SCFD1: variants seen among roughly 807,000 people sequenced by gnomAD.
The protein encoded by SCFD1 is sec1 family domain containing 1.
In SCFD1, 37 loss-of-function variants were observed where a neutral mutation model predicts 103.2. The observed-to-expected ratio is 0.36, with a 90% confidence interval of 0.28 to 0.47. The LOEUF (loss-of-function observed/expected upper bound fraction) is 0.47. Ranked by LOEUF, SCFD1 falls within the 20% of genes least tolerant of loss-of-function variation. SCFD1 has a pLI of 1.00. For missense variants in SCFD1, 639 were observed against 761.2 expected (o/e 0.84, Z 1.89); for synonymous variants, 264 against 245.0 (o/e 1.08, Z -0.73).
chr14:30,636,867 A>G (rs1407851787), intron 4 of SCFD1, among the ~76,000 whole-genome samples: 1 of 152,044 alleles, frequency 6.6e-6, no homozygotes, highest in Non-Finnish European at 1.5e-5. Context: ...TTATGTATTT[A>G]TCTTGTATCC....
At chr14:30,658,517 T>G (rs1049605609) in intron 10 of SCFD1, among the ~76,000 whole-genome samples, 3 of 151,950 alleles carry the variant, frequency 2.0e-5, no homozygotes, top group Non-Finnish European at 4.4e-5. Flanking sequence ...CTCAGCCTCC[T>G]GAGTAGCTGG....
intron 23 of SCFD1, among the ~76,000 whole-genome samples, chr14:30,725,311 C>T (rs1249778383): frequency 6.6e-6 from 1 of 152,142 alleles, no homozygotes; most frequent in East Asian, 1.9e-4. Context: ...TCTTCCTATC[C>T]ATGAGCATGG....
chr14:30,633,804 A>G (rs897602191), intron 3 of SCFD1, 143 bp from the exon 4 acceptor site: 3 of 479,298 alleles, frequency 6.3e-6, no homozygotes, highest in Non-Finnish European at 1.1e-5. Flanking sequence ...CATGGGAGAA[A>G]GATAGGTTAA....
At chr14:30,628,882 G>C (rs1346545725) in intron 2 of SCFD1, among the ~76,000 whole-genome samples, 1 of 152,050 alleles carries the variant, frequency 6.6e-6, no homozygotes, top group Non-Finnish European at 1.5e-5. Flanking sequence ...TTTCTCTCTT[G>C]CTAAAAATTA....
intron 10 of SCFD1, among the ~76,000 whole-genome samples, chr14:30,669,362 G>A (rs951631589): frequency 1.3e-5 from 2 of 151,930 alleles, no homozygotes; most frequent in Non-Finnish European, 2.9e-5. Context: ...TCATTTACTT[G>A]TTGATAGTCA....
At chr14:30,662,860 T>G (rs1478808854) in intron 10 of SCFD1, among the ~76,000 whole-genome samples, 1 of 152,224 alleles carries the variant, frequency 6.6e-6, no homozygotes, top group Non-Finnish European at 1.5e-5. Flanking sequence ...TAGCATTTCC[T>G]GATGGGATCT....
At chr14:30,625,225 A>C (rs189959530) in intron 1 of SCFD1, among the ~76,000 whole-genome samples, 17 of 119,244 alleles carry the variant, frequency 1.4e-4, no homozygotes, top group Admixed American at 3.4e-4. Flanking sequence ...TGTTGAATGA[A>C]TGAATAGTGT....
intron 12 of SCFD1, 69 bp from the exon 13 acceptor site, chr14:30,673,855 G>A (rs1002400115): frequency 1.8e-5 from 19 of 1,034,532 alleles, no homozygotes; most frequent in African/African-American, 7.9e-5. Context: ...TCCAATCTTA[G>A]GATGTGTTGA....
chr14:30,722,972 T>G (rs1301684066), intron 23 of SCFD1: 1 of 152,680 alleles, frequency 6.5e-6, no homozygotes, highest in Non-Finnish European at 1.5e-5. Flanking sequence ...TTTGTTTTGT[T>G]TTTTCAGCAA....
At chr14:30,678,129 C>T (rs113281906) in intron 14 of SCFD1, among the ~76,000 whole-genome samples, 2,557 of 152,142 alleles carry the variant, frequency 0.017, 93 homozygotes, top group African/African-American at 0.058. Flanking sequence ...TGAGCCACCG[C>T]GCCTGGCCGT....
rs1882902859 is a variant in SCFD1 at position 30,622,322 on chromosome 14, G to A, written c.-17G>A. ...CCGCTCCGCTCCCCAGCCGGGCAGT[G>A]GCTCGTGGGAGCCAAGATGGCGGCG... On this transcript the variant is annotated 5_prime_UTR_variant, in exon 1 of 25. Coordinates refer to ENST00000458591, the MANE Select transcript of SCFD1 (RefSeq NM_016106.4). The A allele has an allele frequency of 6.3e-7, 1 of 1,587,954 alleles. No homozygotes were observed. Among genetic ancestry groups the A allele is most frequent in the East Asian group, 2.3e-5 (1 of 43,584 alleles).
chr14:30,653,982 T>TA (rs140287889), intron 10 of SCFD1: 94 of 151,510 alleles, frequency 6.2e-4, no homozygotes, highest in East Asian at 1.7e-3. Context: ...CATTTTACGT[T>TA]AAAAAAAAAA....
chr14:30,652,182 C>G (rs369108465), intron 9 of SCFD1, among the ~76,000 whole-genome samples: 2 of 152,070 alleles, frequency 1.3e-5, no homozygotes, highest in African/African-American at 4.8e-5. Flanking sequence ...AATTCTATTG[C>G]GAAAGGAAAT....
At chr14:30,665,798 G>A (rs981007539) in intron 10 of SCFD1, among the ~76,000 whole-genome samples, 1 of 152,058 alleles carries the variant, frequency 6.6e-6, no homozygotes, top group African/African-American at 2.4e-5. Flanking sequence ...GACAAAGAAG[G>A]CCATTACATA....
intron 19 of SCFD1, among the ~76,000 whole-genome samples, 162 bp downstream of exon 19, chr14:30,708,227 T>C (rs1891611089): frequency 6.6e-6 from 1 of 152,048 alleles, no homozygotes; most frequent in Admixed American, 6.6e-5. Context: ...ATGTGCAGGG[T>C]GTGCTGGTTT....
rs1883727492 is a variant in SCFD1, at chr14:30,628,225, G to A, written c.78G>A (p.Met26Ile). 2 of 1,611,322 alleles carry A rather than the reference G, an allele frequency of 1.2e-6. No individual in the cohort carries two copies. The highest frequency in any genetic ancestry group is 1.7e-6 in the Non-Finnish European group (2 of 1,178,014). The change falls in exon 2 of 25, where the codon ATG becomes ATA. Residue 26 changes from methionine (M) to isoleucine (I), a missense_variant. Transcript: ENST00000458591. ...TATTTTCAGTGGCTTTGAAGCGTAT[G>A]TTGAATTTCAATGTGCCTCATATTA... is the stretch of plus-strand genomic sequence containing the variant. ...RERQTVALKR[M>I]LNFNVPHIKN...
chr14:30,692,973 C>T (rs1178403165), intron 14 of SCFD1, among the ~76,000 whole-genome samples: 2 of 152,182 alleles, frequency 1.3e-5, no homozygotes, highest in Admixed American at 1.3e-4. Context: ...CCTAGAATCT[C>T]ATATTTCTTT....
At chr14:30,646,654 C>CCCT (rs1478601049) in intron 7 of SCFD1, among the ~76,000 whole-genome samples, 1 of 152,084 alleles carries the variant, frequency 6.6e-6, no homozygotes, top group Non-Finnish European at 1.5e-5. Flanking sequence ...AGGGAAGAGT[C>CCCT]CCTCCTCCTC....
intron 11 of SCFD1, among the ~76,000 whole-genome samples, chr14:30,671,315 A>G (rs1027052253): frequency 1.3e-5 from 2 of 152,110 alleles, no homozygotes; most frequent in African/African-American, 4.8e-5. Flanking sequence ...TGGCAGTTTT[A>G]GGTACTATTT....
Sources: gnomAD v4.1 joint callset for allele counts (sites outside exome capture counted in the v4.1 genomes callset) on GRCh38, gnomAD v4.1.1 for gene constraint, MANE v1.5 for transcripts, NCBI Gene and HGNC (gene_info 2026-07-23, HGNC 2026-07-21) for gene names.